USP18: variants seen among roughly 807,000 people sequenced by gnomAD.
USP18 encodes ubl carboxyl-terminal hydrolase 18.
A neutral mutation model predicts 48.7 loss-of-function variants in USP18; 11 were observed. The observed-to-expected ratio is 0.23, with a 90% confidence interval of 0.14 to 0.37. The LOEUF (loss-of-function observed/expected upper bound fraction) is 0.37, where lower values mean the gene tolerates loss of function less well. USP18 is among the 10% of genes least tolerant of loss of function. USP18 has a pLI of 1.00. For synonymous variants in USP18, 114 were observed against 163.2 expected, an observed-to-expected ratio of 0.70 and a Z score of 2.30; for missense variants, 285 against 436.4, an observed-to-expected ratio of 0.65 and a Z score of 3.09.
chr22:18,173,511 C>T (rs1348655293), intron 9 of USP18, among the ~76,000 whole-genome samples: 2 of 152,178 alleles, frequency 1.3e-5, no homozygotes, highest in East Asian at 1.9e-4. Flanking sequence ...GCTCTAGGCT[C>T]ATGCTCTGCA....
intron 1 of USP18, among the ~76,000 whole-genome samples, chr22:18,153,596 A>ATTTTTATTTTTAGAAAATAAAATAT (rs1929054279): frequency 6.6e-6 from 1 of 152,006 alleles, no homozygotes; most frequent in Non-Finnish European, 1.5e-5. Context: ...GGCTAATTTT[A>ATTTTTATTTTTAGAAAATAAAATAT]TTTTTATTTT....
intron 4 of USP18, among the ~76,000 whole-genome samples, chr22:18,163,926 T>C (rs1352313962): frequency 5.3e-5 from 8 of 152,210 alleles, no homozygotes; most frequent in Non-Finnish European, 1.0e-4. Context: ...TTCCAGTTTA[T>C]TCTATCCTCA....
chr22:18,163,930 ATCC>A (rs2123734704), intron 4 of USP18, among the ~76,000 whole-genome samples: 1 of 152,340 alleles, frequency 6.6e-6, no homozygotes, highest in South Asian at 2.1e-4. Flanking sequence ...AGTTTATTCT[ATCC>A]TCAGGGAAAA....
At chr22:18,156,674 C>T (rs193119776) in intron 1 of USP18, among the ~76,000 whole-genome samples, 1 of 152,342 alleles carries the variant, frequency 6.6e-6, no homozygotes, top group African/African-American at 2.4e-5. Flanking sequence ...CTGTAACACT[C>T]ACCGCGAAGG....
chr22:18,151,614 A>G (rs1358087379), intron 1 of USP18, among the ~76,000 whole-genome samples: 1 of 152,154 alleles, frequency 6.6e-6, no homozygotes, highest in East Asian at 1.9e-4. Context: ...CTTAACATAA[A>G]CATAGTTTCA....
At position 18,167,992 on chromosome 22, in the gene USP18, C is replaced by A; in HGVS notation, c.583C>A (p.Pro195Thr). The A allele has an allele frequency of 6.2e-7, 1 of 1,614,164 alleles. No homozygotes were observed. Among genetic ancestry groups the A allele is most frequent in the Non-Finnish European group, 8.5e-7 (1 of 1,180,020 alleles). ...SSRNSSMLTLPLSLFDVDSKP... is the reference protein window; with the variant it reads ...SSRNSSMLTLTLSLFDVDSKP... ...CAGAAACAGCAGCATGCTCACCCTCCCACTTTCTCTTTTTGATGTGGACTC... is the reference window on the plus strand; with the variant it reads ...CAGAAACAGCAGCATGCTCACCCTCACACTTTCTCTTTTTGATGTGGACTC... Residue 195 changes from proline to threonine, a missense_variant, in exon 6 of 11, where the codon CCA (proline) becomes ACA (threonine). Transcript: ENST00000215794.
intron 1 of USP18, among the ~76,000 whole-genome samples, chr22:18,153,847 G>A (rs537361910): frequency 3.3e-5 from 5 of 152,004 alleles, no homozygotes; most frequent in Admixed American, 1.3e-4. Context: ...TCCACTTAAC[G>A]TAATGTACTC....
chr22:18,164,797 G>A (rs559629170), intron 4 of USP18, among the ~76,000 whole-genome samples: 76 of 152,182 alleles, frequency 5.0e-4, no homozygotes, highest in African/African-American at 1.8e-3. Flanking sequence ...TGCTCCCAGA[G>A]CTAGGTGACC....
intron 1 of USP18, among the ~76,000 whole-genome samples, 171 bp from the exon 2 acceptor site, chr22:18,157,387 C>G (rs527600593): frequency 1.3e-5 from 2 of 152,250 alleles, no homozygotes; most frequent in Non-Finnish European, 2.9e-5. Flanking sequence ...CGCCTGGGAC[C>G]CAGGTTAGGG....
intron 6 of USP18, among the ~76,000 whole-genome samples, chr22:18,168,402 C>T (rs545397614): frequency 4.6e-5 from 7 of 151,946 alleles, no homozygotes; most frequent in South Asian, 4.2e-4. Context: ...ACCTCCCCCC[C>T]CCCTTTTTTT....
intron 1 of USP18, among the ~76,000 whole-genome samples, chr22:18,151,768 C>T (rs889454808): frequency 1.3e-5 from 2 of 152,032 alleles, no homozygotes; most frequent in African/African-American, 4.8e-5. Context: ...TCAAGAAATG[C>T]AAAATAGGCC....
At chr22:18,163,409 C>T (rs534877192) in intron 4 of USP18, among the ~76,000 whole-genome samples, 5 of 152,046 alleles carry the variant, frequency 3.3e-5, no homozygotes, top group South Asian at 2.1e-4. Flanking sequence ...TTTGGGAGGC[C>T]GAGGTGGGCA....
At chr22:18,162,796 T>C (rs553541013) in intron 4 of USP18, among the ~76,000 whole-genome samples, 1 of 152,300 alleles carries the variant, frequency 6.6e-6, no homozygotes, top group Admixed American at 6.5e-5. Flanking sequence ...CTATGGCCAC[T>C]GTGCTCATGT....
At position 18,173,414 on chromosome 22, in the gene USP18, G is replaced by A. The variant is rs556703352; in HGVS notation, c.1023+133G>A. ...GCTGTCTGGGTGTGGGGCCTTTGAT[G>A]AGGGTTCAAGCCTTTTTCGGTCTGA... On this transcript the variant is annotated intron_variant, in intron 9 of 10. Coordinates refer to ENST00000215794, the MANE Select transcript of USP18 (RefSeq NM_017414.4). 1.5e-4 allele frequency: 175 copies of A among 1,195,758 alleles called. No homozygotes were observed. In the Middle Eastern group the frequency reaches 3.4e-3, roughly 23 times the overall value. 74.1% of individuals were successfully genotyped at this position (1,195,758 alleles called of 1,614,324 possible).
At chr22:18,160,085 A>T in intron 2 of USP18, 87 bp from the exon 3 acceptor site, 1 of 1,313,010 alleles carries the variant, frequency 7.6e-7, no homozygotes, top group Non-Finnish European at 1.1e-6. Flanking sequence ...AAGTACTGGA[A>T]TTACAGGCAT....
intron 10 of USP18, among the ~76,000 whole-genome samples, 170 bp downstream of exon 10, chr22:18,174,012 G>A: frequency 6.6e-6 from 1 of 151,914 alleles, no homozygotes; most frequent in African/African-American, 2.4e-5. Context: ...TCACACTCCA[G>A]GAATATTAAA....
intron 1 of USP18, among the ~76,000 whole-genome samples, chr22:18,155,850 C>T (rs186672794): frequency 0.041 from 6,185 of 152,344 alleles, 164 homozygotes; most frequent in African/African-American, 0.074. Flanking sequence ...TCCCACCGAC[C>T]ACCCAAGGGC....
At chr22:18,158,671 T>C (rs529129813) in intron 2 of USP18, among the ~76,000 whole-genome samples, 56 of 152,342 alleles carry the variant, frequency 3.7e-4, no homozygotes, top group African/African-American at 1.3e-3. Flanking sequence ...TCTTTTGTTT[T>C]TCTCGTATTC....
At chr22:18,155,813 C>T (rs115473616) in intron 1 of USP18, among the ~76,000 whole-genome samples, 4,591 of 152,326 alleles carry the variant, frequency 0.03, 231 homozygotes, top group African/African-American at 0.11. Flanking sequence ...CCCCGACCAG[C>T]GCCGCTCCCG....
Sources: gnomAD v4.1 joint callset for allele counts (sites outside exome capture counted in the v4.1 genomes callset) on GRCh38, gnomAD v4.1.1 for gene constraint, MANE v1.5 for transcripts, NCBI Gene and HGNC (gene_info 2026-07-23, HGNC 2026-07-21) for gene names.